The following GRID2 variants were observed in gnomAD, a reference collection of about 807,000 sequenced individuals.
The protein encoded by GRID2 is glutamate ionotropic receptor delta type subunit 2.
A neutral mutation model predicts 114.8 loss-of-function variants in GRID2; 33 were observed. The ratio of observed to expected loss-of-function variants is 0.29; its 90% confidence interval spans 0.22 to 0.38. The LOEUF (loss-of-function observed/expected upper bound fraction) is 0.38. Ranked by LOEUF, GRID2 falls within the 10% of genes least tolerant of loss-of-function variation. GRID2 has a pLI of 1.00. For missense variants in GRID2, 1,184 were observed against 1,257.7 expected, an observed-to-expected ratio of 0.94 and a Z score of 0.89; for synonymous variants, 505 against 449.9, an observed-to-expected ratio of 1.12 and a Z score of -1.55.
intron 13 of GRID2, among the ~76,000 whole-genome samples, chr4:93,589,871 A>C (rs1455041070): frequency 1.3e-5 from 2 of 151,406 alleles, no homozygotes; most frequent in Non-Finnish European, 3.0e-5. Flanking sequence ...GTGTCTGTTC[A>C]TGTCCTTTGC....
chr4:92,670,535 CTACT>C (rs914048651), intron 2 of GRID2, among the ~76,000 whole-genome samples: 4 of 151,968 alleles, frequency 2.6e-5, no homozygotes, highest in Admixed American at 1.3e-4. Context: ...CTTCATGATA[CTACT>C]TACTTTATAA....
chr4:93,710,082 C>G (rs1196386517), intron 14 of GRID2, among the ~76,000 whole-genome samples: 2 of 152,098 alleles, frequency 1.3e-5, no homozygotes, highest in Non-Finnish European at 2.9e-5. Flanking sequence ...GCCTTTTAGT[C>G]TGTTTGGTGA....
chr4:93,177,041 G>A (rs1031067766), intron 4 of GRID2, among the ~76,000 whole-genome samples: 5 of 152,048 alleles, frequency 3.3e-5, no homozygotes, highest in Non-Finnish European at 5.9e-5. Flanking sequence ...AATTTGCTGC[G>A]TGATACCGAT....
chr4:92,943,217 T>C (rs976368898), intron 2 of GRID2, among the ~76,000 whole-genome samples: 2 of 152,202 alleles, frequency 1.3e-5, no homozygotes, highest in South Asian at 2.1e-4. Flanking sequence ...CAATCAGACA[T>C]AGATTTGGTC....
intron 1 of GRID2, among the ~76,000 whole-genome samples, chr4:92,431,651 T>C (rs1009273141): frequency 1.3e-5 from 2 of 152,052 alleles, no homozygotes; most frequent in African/African-American, 4.8e-5. Context: ...AAAAAGACTT[T>C]CCGTCTCTAT....
chr4:93,199,474 C>T (rs762506983), intron 4 of GRID2, among the ~76,000 whole-genome samples: 1 of 152,144 alleles, frequency 6.6e-6, no homozygotes, highest in Non-Finnish European at 1.5e-5. Flanking sequence ...TCATCTCCCA[C>T]AGGGTGTGGG....
At chr4:92,691,139 C>T (rs1734164038) in intron 2 of GRID2, among the ~76,000 whole-genome samples, 2 of 152,114 alleles carry the variant, frequency 1.3e-5, no homozygotes, top group Admixed American at 6.6e-5. Context: ...ACCATATCCC[C>T]TCCTTATTCT....
chr4:92,321,948 T>C (rs1006414354), intron 1 of GRID2, among the ~76,000 whole-genome samples: 2 of 152,154 alleles, frequency 1.3e-5, no homozygotes, highest in Non-Finnish European at 2.9e-5. Flanking sequence ...ATCTGTTATA[T>C]GGATACATTG....
At chr4:92,318,839 G>A (rs1726153192) in intron 1 of GRID2, among the ~76,000 whole-genome samples, 1 of 152,078 alleles carries the variant, frequency 6.6e-6, no homozygotes, top group African/African-American at 2.4e-5. Context: ...AGTGATCCCT[G>A]TGGTGGATTC....
intron 2 of GRID2, among the ~76,000 whole-genome samples, chr4:92,996,052 G>A (rs538440304): frequency 7.2e-5 from 11 of 152,076 alleles, no homozygotes; most frequent in African/African-American, 2.7e-4. Flanking sequence ...CACTTTGGGA[G>A]GCTGAAGTGG....
At chr4:93,521,152 T>G (rs1578180731) in intron 13 of GRID2, among the ~76,000 whole-genome samples, 2 of 152,138 alleles carry the variant, frequency 1.3e-5, no homozygotes, top group Non-Finnish European at 2.9e-5. Flanking sequence ...GGTGGAGGGA[T>G]GGAGTTGCCA....
At chr4:92,948,577 T>C (rs1751811867) in intron 2 of GRID2, among the ~76,000 whole-genome samples, 1 of 151,932 alleles carries the variant, frequency 6.6e-6, no homozygotes, top group Non-Finnish European at 1.5e-5. Context: ...TCAGAATTAG[T>C]GCATAAATAG....
intron 4 of GRID2, among the ~76,000 whole-genome samples, chr4:93,145,566 C>T (rs1416499059): frequency 1.8e-4 from 27 of 146,814 alleles, no homozygotes; most frequent in African/African-American, 6.8e-4. Flanking sequence ...AGTTCAAGTT[C>T]TCCAGCCTCA....
chr4:93,306,780 G>T (rs17020377), intron 8 of GRID2, among the ~76,000 whole-genome samples: 2,635 of 152,114 alleles, frequency 0.017, 82 homozygotes, highest in African/African-American at 0.06. Context: ...TTCCCTTTTG[G>T]GCGTTCTTGT....
intron 1 of GRID2, among the ~76,000 whole-genome samples, chr4:92,523,816 A>G (rs767328306): frequency 2.0e-5 from 3 of 151,866 alleles, no homozygotes; most frequent in Non-Finnish European, 4.4e-5. Flanking sequence ...CAGGGCCTAC[A>G]CTTCCAAGAG....
At chr4:93,701,832 A>T (rs1251178532) in intron 14 of GRID2, among the ~76,000 whole-genome samples, 1 of 152,032 alleles carries the variant, frequency 6.6e-6, no homozygotes, top group Non-Finnish European at 1.5e-5. Flanking sequence ...CTAAAAATAC[A>T]TATATATTTT....
chr4:93,515,772 T>G (rs1729658046), intron 13 of GRID2, among the ~76,000 whole-genome samples: 1 of 152,284 alleles, frequency 6.6e-6, no homozygotes, highest in South Asian at 2.1e-4. Flanking sequence ...CTCAGGGTAT[T>G]TTCTACACTA....
At chr4:93,480,659 TCC>T in intron 11 of GRID2, among the ~76,000 whole-genome samples, 1 of 152,178 alleles carries the variant, frequency 6.6e-6, no homozygotes, top group Admixed American at 6.5e-5. Flanking sequence ...TAGTTAGTCA[TCC>T]ACACCACGCC....
At chr4:92,616,402 GT>G (rs925309662) in intron 2 of GRID2, among the ~76,000 whole-genome samples, 31 of 150,922 alleles carry the variant, frequency 2.1e-4, no homozygotes, top group African/African-American at 7.3e-4. Flanking sequence ...TTTCCTTTAA[GT>G]TTTTTTCTTT....
Sources: gnomAD v4.1 joint callset for allele counts (sites outside exome capture counted in the v4.1 genomes callset) on GRCh38, gnomAD v4.1.1 for gene constraint, MANE v1.5 for transcripts, NCBI Gene and HGNC (gene_info 2026-07-23, HGNC 2026-07-21) for gene names.